IDH2: variants seen among roughly 807,000 people sequenced by gnomAD.
The protein encoded by IDH2 is isocitrate dehydrogenase (NADP(+)) 2.
IDH2 carries 18 observed loss-of-function variants against 50.5 expected under a neutral mutation model. The observed-to-expected ratio is 0.36, with a 90% CI of 0.25 to 0.53. The LOEUF (loss-of-function observed/expected upper bound fraction) is 0.53, where lower values mean the gene tolerates loss of function less well. IDH2 is among the 20% of genes least tolerant of loss of function. IDH2 has a pLI of 0.92. For synonymous variants in IDH2, 280 were observed against 239.8 expected (o/e 1.17, Z -1.55); for missense variants, 518 against 610.7 (o/e 0.85, Z 1.60).
rs377420001 is a variant in IDH2, at chr15:90,085,049, C to T, written c.1130G>A (p.Arg377His). The change falls in exon 9 of 11, where the codon CGT becomes CAT. Residue 377 changes from arginine to histidine, a missense_variant. Arg to His is a conservative substitution (Grantham distance 29). This residue lies in a region of IDH2 where 135 missense variants were observed against 167.6 expected (regional missense o/e 0.81). Transcript: ENST00000330062. This position sits in a 1 kb window ranked among gnomAD's most constrained non-coding sequence, Gnocchi z 5.5. ...NPIASIFAWT[R>H]GLEHRGKLDG... ...CAGCTTCCCCCGGTGCTCCAGGCCA[C>T]GTGTCCAGGCAAAGATGCTGGCGAT... 71 of 1,613,890 alleles carry T rather than the reference C, an allele frequency of 4.4e-5. No individual in the cohort carries two copies. The highest frequency in any genetic ancestry group is 5.3e-5 in the Non-Finnish European group (62 of 1,180,018).
In IDH2 at chr15:90,083,631, G is replaced by T. The variant is rs936080261; in HGVS notation, c.*635C>A. 6.4e-6 allele frequency: 1 copy of T among 157,348 alleles called. No individual in the cohort carries two copies. 9.7% of individuals were successfully genotyped at this position (157,348 alleles called of 1,614,324 possible). ...ACCTCTTTTTAGTACCTAGAAAAAG[G>T]CTAAGAAAGTGGCCTGGAGATGTTT... On this transcript the variant is annotated 3_prime_UTR_variant, in exon 11 of 11. Transcript: ENST00000330062.
chr15:90,089,732 C>G (rs1206219687), intron 3 of IDH2, among the ~76,000 whole-genome samples: 2 of 152,226 alleles, frequency 1.3e-5, no homozygotes, highest in African/African-American at 2.4e-5. Flanking sequence ...CCTCAACCAT[C>G]CTTTCTCGAA....
chr15:90,101,837 TTGTC>T (rs1369347982), intron 1 of IDH2, among the ~76,000 whole-genome samples: 3 of 151,422 alleles, frequency 2.0e-5, no homozygotes, highest in Non-Finnish European at 3.0e-5. Flanking sequence ...CTCCCAGCCT[TTGTC>T]TGAGCAGGGG....
Position 90,083,735 on chromosome 15 carries a change from C to A in IDH2, c.*531G>T, listed in dbSNP as rs1900781552. 1 of 194,040 alleles carries A rather than the reference C, an allele frequency of 5.2e-6. No individual in the cohort carries two copies. Among genetic ancestry groups the A allele is most frequent in the Non-Finnish European group, 1.1e-5 (1 of 91,502 alleles). The allele number at this position is 194,040 out of a possible 1,614,324, so 12.0% of individuals were successfully genotyped here. On this transcript the variant is annotated 3_prime_UTR_variant, in exon 11 of 11. Coordinates refer to ENST00000330062, the MANE Select transcript of IDH2 (RefSeq NM_002168.4). ...TTGACTCTCAGAATGGAGAACTGGA[C>A]ACAGAAACTGGATCATGCTAGAAAA... is the stretch of plus-strand genomic sequence containing the variant.
intron 1 of IDH2, among the ~76,000 whole-genome samples, chr15:90,099,403 C>T (rs1424954364): frequency 6.6e-6 from 1 of 152,162 alleles, no homozygotes; most frequent in Non-Finnish European, 1.5e-5. Flanking sequence ...GAGGACTTTT[C>T]TGGCTGCCCT....
In IDH2 at chr15:90,083,119, A is replaced by ATTTTTTTTTTTTTTT. The variant is rs59583363; in HGVS notation, c.*1132_*1146dup. 8.0e-5 allele frequency: 5 copies of ATTTTTTTTTTTTTTT among 62,656 alleles called. 1 individual carries two copies. Among genetic ancestry groups the ATTTTTTTTTTTTTTT allele is most frequent in the African/African-American group, 2.4e-4 (4 of 16,484 alleles). 3.9% of individuals were successfully genotyped at this position (62,656 alleles called of 1,614,324 possible). A position where few individuals can be genotyped will look rare whatever the true frequency, so the allele number is the denominator to read the frequency against. On this transcript the variant is annotated 3_prime_UTR_variant, in exon 11 of 11. Transcript: ENST00000330062. Reference sequence around the variant, plus strand: ...GGGGCTAAAAAACTTGCATAGAGCAATTTTTTTTTTTTTTTTTTTTTTTTT... The same window carrying ATTTTTTTTTTTTTTT: ...GGGGCTAAAAAACTTGCATAGAGCAATTTTTTTTTTTTTTTTTTTTTTTTTTTTTTTTTTTTTTTT...
chr15:90,088,971 A>C (rs553206140), intron 3 of IDH2, among the ~76,000 whole-genome samples: 2 of 144,690 alleles, frequency 1.4e-5, no homozygotes, highest in African/African-American at 2.6e-5. Flanking sequence ...CTGGAGTGCA[A>C]TGGCGCGATC....
At chr15:90,096,715 C>A (rs1197254178) in intron 1 of IDH2, among the ~76,000 whole-genome samples, 1 of 152,042 alleles carries the variant, frequency 6.6e-6, no homozygotes, top group Non-Finnish European at 1.5e-5. Context: ...AAGATCGAGA[C>A]CATCCTGGCT....
At position 90,090,543 on chromosome 15, in the gene IDH2, G is replaced by A. The variant is rs558271315; in HGVS notation, c.309C>T (p.Ala103=). The change falls in exon 3 of 11, where the codon GCC becomes GCT. Residue 103 remains alanine, a synonymous_variant. Coordinates refer to ENST00000330062, the MANE Select transcript of IDH2 (RefSeq NM_002168.4). Reference sequence around the variant, plus strand: ...TGACAGCCACACTGTACTTCTGGGTGGCCAGTGCAGAGTCAATGGTGACCT... The same window carrying A: ...TGACAGCCACACTGTACTTCTGGGTAGCCAGTGCAGAGTCAATGGTGACCT... ...DDQVTIDSAL[A]TQKYSVAVKC... is the part of the protein sequence containing the mutation. The A allele has an allele frequency of 6.2e-7, 1 of 1,614,168 alleles. No individual in the cohort carries two copies. Among genetic ancestry groups the A allele is most frequent in the African/African-American group, 1.3e-5 (1 of 75,042 alleles).
chr15:90,085,420 C>G lies in IDH2; in HGVS notation c.968-33G>C. 6.8e-7 allele frequency: 1 copy of G among 1,462,586 alleles called. No homozygotes were observed. The highest frequency in any genetic ancestry group is 9.4e-7 in the Non-Finnish European group (1 of 1,066,946). 90.6% of individuals were successfully genotyped at this position (1,462,586 alleles called of 1,614,324 possible). ...GTAGAAAGCCTTTCTCTCAGGGCCT[C>G]GCCTCTCCTGGGGCCACCCAGCTGA... On this transcript the variant is annotated intron_variant, in intron 7 of 10. Transcript: ENST00000330062. The surrounding 1 kb of genome is among the most constrained non-coding windows in gnomAD (Gnocchi z 5.5).
At chr15:90,092,606 G>C (rs527411539) in intron 1 of IDH2, among the ~76,000 whole-genome samples, 2 of 150,204 alleles carry the variant, frequency 1.3e-5, no homozygotes, top group African/African-American at 2.5e-5. Flanking sequence ...ACGAAGTTTC[G>C]CTATTGTCCC....
rs144349532 is a variant in IDH2, at chr15:90,083,865, C to A, written c.*401G>T. ...CTGCCTGGTCCCTTCCCTGCCGTGG[C>A]AGCCCCTTCCTGAGGTGCTCTGGTC... On this transcript the variant is annotated 3_prime_UTR_variant, in exon 11 of 11. Coordinates refer to ENST00000330062, the MANE Select transcript of IDH2 (RefSeq NM_002168.4). The A allele has an allele frequency of 2.2e-3, 708 of 314,692 alleles. 2 individuals are homozygous for A. Among genetic ancestry groups the A allele is most frequent in the Non-Finnish European group, 3.5e-3 (585 of 166,170 alleles). 19.5% of individuals were successfully genotyped at this position (314,692 alleles called of 1,614,324 possible).
In IDH2 at chr15:90,098,736, G is replaced by A. The variant is rs546035983; in HGVS notation, c.115+3540C>T. ...TTTTTGTATTTTTAGTAGAGACCGG[G>A]TTTCACCATGGTGGCCAGGCAGGTC... On this transcript the variant is annotated intron_variant, in intron 1 of 10. Transcript: ENST00000330062. The surrounding 1 kb of genome is among the most constrained non-coding windows in gnomAD (Gnocchi z 5.1). Among the ~76,000 whole-genome samples, 68 of 152,224 alleles carry A rather than the reference G, an allele frequency of 4.5e-4. 1 individual carries two copies. Among genetic ancestry groups the A allele is most frequent in the Middle Eastern group, 3.4e-3 (1 of 294 alleles).
In IDH2 at chr15:90,098,537, T is replaced by TGTATGTATGCATGTATGTAC. The variant is rs1168490351; in HGVS notation, c.115+3738_115+3739insGTACATACATGCATACATAC. Among the ~76,000 whole-genome samples the TGTATGTATGCATGTATGTAC allele has an allele frequency of 1.4e-5, 2 of 147,066 alleles. No individual in the cohort carries two copies. The highest frequency in any genetic ancestry group is 4.3e-4 in the South Asian group (2 of 4,650). ...ATGTATGTATGTATGCATGCATGTA[T>TGTATGTATGCATGTATGTAC]GTATGTATGTATGTATGTATGTATT... On this transcript the variant is annotated intron_variant, in intron 1 of 10. Coordinates refer to ENST00000330062, the MANE Select transcript of IDH2 (RefSeq NM_002168.4). The surrounding 1 kb of genome is among the most constrained non-coding windows in gnomAD (Gnocchi z 5.1).
intron 1 of IDH2, among the ~76,000 whole-genome samples, chr15:90,096,632 C>T (rs566773855): frequency 4.6e-5 from 7 of 152,228 alleles, no homozygotes; most frequent in African/African-American, 1.7e-4. Flanking sequence ...AAAAGAATTA[C>T]TGCCGGGCAC....
At chr15:90,099,615 T>G (rs11638845) in intron 1 of IDH2, among the ~76,000 whole-genome samples, 67,285 of 151,942 alleles carry the variant, frequency 0.44, 16,626 homozygotes, top group Non-Finnish European at 0.57. Flanking sequence ...CCATCGTGCC[T>G]GGCTAATTTT....
chr15:90,097,413 GATCTT>G (rs1450475538), intron 1 of IDH2, among the ~76,000 whole-genome samples: 4 of 152,102 alleles, frequency 2.6e-5, no homozygotes. Flanking sequence ...ATCCACTGGG[GATCTT>G]GAAATGCATC....
At position 90,098,063 on chromosome 15, in the gene IDH2, TGA is replaced by T. The variant is rs945678644; in HGVS notation, c.115+4211_115+4212del. Among the ~76,000 whole-genome samples the T allele has an allele frequency of 6.6e-6, 1 of 152,138 alleles. No homozygotes were observed. The highest frequency in any genetic ancestry group is 2.4e-5 in the African/African-American group (1 of 41,436). On this transcript the variant is annotated intron_variant, in intron 1 of 10. Coordinates refer to ENST00000330062, the MANE Select transcript of IDH2 (RefSeq NM_002168.4). This position sits in a 1 kb window ranked among gnomAD's most constrained non-coding sequence, Gnocchi z 5.1. Reference sequence around the variant, plus strand: ...GATACAGCCATGGTCTGCCCTTCTCTGAGAGATAAGTGGTGACAAGCTACCTG... The same window carrying T: ...GATACAGCCATGGTCTGCCCTTCTCTGAGATAAGTGGTGACAAGCTACCTG...
At position 90,084,950 on chromosome 15, in the gene IDH2, C is replaced by T; in HGVS notation, c.1179-42G>A. On this transcript the variant is annotated intron_variant, in intron 9 of 10. Coordinates refer to ENST00000330062, the MANE Select transcript of IDH2 (RefSeq NM_002168.4). This position sits in a 1 kb window ranked among gnomAD's most constrained non-coding sequence, Gnocchi z 5.0. Reference sequence around the variant, plus strand: ...GAATGAGACCCCATCTGTGCAAGGGCAGGACCCAGAGCCTGTCCTGGGCAG... The same window carrying T: ...GAATGAGACCCCATCTGTGCAAGGGTAGGACCCAGAGCCTGTCCTGGGCAG... 6.2e-7 allele frequency: 1 copy of T among 1,612,290 alleles called. No homozygotes were observed.
Sources: gnomAD v4.1 joint callset for allele counts (sites outside exome capture counted in the v4.1 genomes callset) on GRCh38, gnomAD v4.1.1 for gene constraint, gnomAD v4.1.1 regional missense constraint, Gnocchi (gnomAD v3.1) non-coding constraint, MANE v1.5 for transcripts, NCBI Gene and HGNC (gene_info 2026-07-23, HGNC 2026-07-21) for gene names.